The following SDCCAG8 variants were observed in gnomAD, a reference collection of about 807,000 sequenced individuals.
The protein encoded by SDCCAG8 is SHH signaling and ciliogenesis regulator SDCCAG8, also known as serologically defined colon cancer antigen 8.
Under a neutral mutation model 101.8 loss-of-function variants are expected in SDCCAG8, and 74 were observed. That is an observed-to-expected ratio of 0.73 (90% confidence interval 0.60 to 0.88). The LOEUF is 0.88. Among genes scored for constraint, SDCCAG8 ranks in the 40% least tolerant of loss-of-function variants. SDCCAG8 has a pLI of 0.00. For synonymous variants in SDCCAG8, 281 were observed against 292.9 expected (o/e 0.96, Z 0.41); for missense variants, 787 against 822.6 (o/e 0.96, Z 0.53).
intron 16 of SDCCAG8, chr1:243,487,671 C>G (rs567399278): frequency 6.6e-6 from 1 of 152,356 alleles, no homozygotes; most frequent in African/African-American, 2.4e-5. Flanking sequence ...AGGCCCTTGT[C>G]GGGACAGGCA....
intron 16 of SDCCAG8, among the ~76,000 whole-genome samples, chr1:243,436,520 C>T (rs532650778): frequency 6.6e-6 from 1 of 152,278 alleles, no homozygotes; most frequent in East Asian, 1.9e-4. Flanking sequence ...ACTACTTTTG[C>T]TGTTTGTCAA....
In SDCCAG8 at chr1:243,462,530, C is replaced by T. The variant is rs556442928; in HGVS notation, c.1986-26484C>T. Among the ~76,000 whole-genome samples the T allele has an allele frequency of 3.3e-5, 5 of 152,332 alleles. 1 individual carries two copies. The highest frequency in any genetic ancestry group is 1.2e-4 in the African/African-American group (5 of 41,574). On this transcript the variant is annotated intron_variant, in intron 16 of 17. Transcript: ENST00000366541. Reference sequence around the variant, plus strand: ...CTATGCAACCTCCTTGGAGTGAAATCTTGGCTGTCTTGTTCTCCACTGTAT... The same window carrying T: ...CTATGCAACCTCCTTGGAGTGAAATTTTGGCTGTCTTGTTCTCCACTGTAT...
At chr1:243,391,658 T>G (rs1287511083) in intron 13 of SDCCAG8, among the ~76,000 whole-genome samples, 1 of 152,194 alleles carries the variant, frequency 6.6e-6, no homozygotes, top group African/African-American at 2.4e-5. Context: ...CACCAGTGAA[T>G]AAGCAGGGCA....
intron 10 of SDCCAG8, among the ~76,000 whole-genome samples, chr1:243,334,847 C>T (rs1480905822): frequency 6.6e-6 from 1 of 152,166 alleles, no homozygotes; most frequent in Non-Finnish European, 1.5e-5. Flanking sequence ...CTTGGCCACT[C>T]AACGTGCTAG....
At chr1:243,377,731 A>G (rs1385832674) in intron 12 of SDCCAG8, among the ~76,000 whole-genome samples, 1 of 151,784 alleles carries the variant, frequency 6.6e-6, no homozygotes, top group Non-Finnish European at 1.5e-5. Flanking sequence ...AAATCCCTCT[A>G]CTTACACATG....
At chr1:243,465,180 C>T (rs1659882386) in intron 16 of SDCCAG8, among the ~76,000 whole-genome samples, 1 of 152,166 alleles carries the variant, frequency 6.6e-6, no homozygotes, top group Admixed American at 6.5e-5. Flanking sequence ...GAGTCATGGT[C>T]TCTTTTGGGA....
At position 243,270,199 on chromosome 1, in the gene SDCCAG8, C is replaced by T; in HGVS notation, c.162C>T (p.Thr54=). ...ATGCACCAAATCTTTCTTTTAGCAC[C>T]AGTGTGGGAAATGAGGACGCCAGGA... ...GEDAPNLSFS[T]SVGNEDARTA... The change falls in exon 2 of 18, where the codon ACC becomes ACT. Residue 54 remains threonine, a synonymous_variant. Coordinates refer to ENST00000366541, the MANE Select transcript of SDCCAG8 (RefSeq NM_006642.5). 1.2e-6 allele frequency: 2 copies of T among 1,614,146 alleles called. No homozygotes were observed. Among genetic ancestry groups the T allele is most frequent in the Non-Finnish European group, 1.7e-6 (2 of 1,180,018 alleles).
At chr1:243,280,367 C>A (rs1021121574) in intron 4 of SDCCAG8, among the ~76,000 whole-genome samples, 1 of 151,724 alleles carries the variant, frequency 6.6e-6, no homozygotes, top group African/African-American at 2.4e-5. Flanking sequence ...CAATTTTATT[C>A]ATCTTTTCAA....
chr1:243,458,408 A>G lies in SDCCAG8; in HGVS notation c.1986-30606A>G, dbSNP rs979047117. 6.6e-6 allele frequency among the ~76,000 whole-genome samples: 1 copy of G among 151,672 alleles called. No individual in the cohort carries two copies. The highest frequency in any genetic ancestry group is 2.4e-5 in the African/African-American group (1 of 41,348). On this transcript the variant is annotated intron_variant, in intron 16 of 17. Coordinates refer to ENST00000366541, the MANE Select transcript of SDCCAG8 (RefSeq NM_006642.5). This position sits in a 1 kb window ranked among gnomAD's most constrained non-coding sequence, Gnocchi z 4.5. ...TATAATATATAATTATGTAAGATATAATAAATATATAATAATCGTCATTGT... is the reference window on the plus strand; with the variant it reads ...TATAATATATAATTATGTAAGATATGATAAATATATAATAATCGTCATTGT...
chr1:243,467,247 C>G (rs1660340018), intron 16 of SDCCAG8, among the ~76,000 whole-genome samples: 1 of 152,184 alleles, frequency 6.6e-6, no homozygotes, highest in Non-Finnish European at 1.5e-5. Context: ...TTTTTAAATC[C>G]TGTTCCATGT....
intron 6 of SDCCAG8, among the ~76,000 whole-genome samples, chr1:243,298,883 C>A (rs1207172301): frequency 6.6e-6 from 1 of 152,170 alleles, no homozygotes; most frequent in East Asian, 1.9e-4. Flanking sequence ...CCAAGTCTTC[C>A]AACATTGTTC....
intron 13 of SDCCAG8, among the ~76,000 whole-genome samples, chr1:243,387,979 G>A (rs1226528874): frequency 2.0e-5 from 3 of 152,164 alleles, no homozygotes; most frequent in Non-Finnish European, 4.4e-5. Context: ...GCCTCCCAAA[G>A]TGCTAGGATT....
At chr1:243,459,673 T>G (rs1274212369) in intron 16 of SDCCAG8, among the ~76,000 whole-genome samples, 1 of 152,176 alleles carries the variant, frequency 6.6e-6, no homozygotes, top group Non-Finnish European at 1.5e-5. Context: ...AGTGGCACAA[T>G]CATAGCTCGT....
rs2275154 is a variant in SDCCAG8 at position 243,270,352 on chromosome 1, A to G, written c.220+95A>G. On this transcript the variant is annotated intron_variant, in intron 2 of 17. Transcript: ENST00000366541. ...TCCATTCATTCTTCATTCTGCTGCT[A>G]TGATGTTATTCCTCAAACACAAATC... 367,856 of 1,144,744 alleles carry G rather than the reference A, an allele frequency of 0.32. 62,474 individuals are homozygous for G. Among genetic ancestry groups the G allele is most frequent in the South Asian group, 0.5 (38,771 of 77,030 alleles). The allele number at this position is 1,144,744 out of a possible 1,614,324, so 70.9% of individuals were successfully genotyped here.
intron 16 of SDCCAG8, among the ~76,000 whole-genome samples, chr1:243,483,823 G>C (rs547444523): frequency 5.9e-5 from 9 of 152,320 alleles, no homozygotes; most frequent in African/African-American, 2.2e-4. Context: ...GAAGGCGGAG[G>C]TTCCTTAACC....
At chr1:243,432,376 C>T (rs1260868970) in intron 16 of SDCCAG8, among the ~76,000 whole-genome samples, 1 of 152,008 alleles carries the variant, frequency 6.6e-6, no homozygotes, top group Non-Finnish European at 1.5e-5. Context: ...AGGGGCCTGC[C>T]TGAGGGGAGG....
intron 9 of SDCCAG8, 35 bp downstream of exon 9, chr1:243,316,928 C>A: frequency 6.7e-7 from 1 of 1,502,484 alleles, no homozygotes; most frequent in South Asian, 1.2e-5. Context: ...AAGTGTCTTT[C>A]TTTTTTTTTT....
intron 16 of SDCCAG8, among the ~76,000 whole-genome samples, chr1:243,483,398 C>T (rs1003429564): frequency 6.6e-6 from 1 of 152,136 alleles, no homozygotes; most frequent in Non-Finnish European, 1.5e-5. Flanking sequence ...GCGCCCTCCG[C>T]GACCCGCCCC....
At chr1:243,496,375 C>G (rs1358380015) in intron 17 of SDCCAG8, among the ~76,000 whole-genome samples, 2 of 152,166 alleles carry the variant, frequency 1.3e-5, no homozygotes, top group African/African-American at 4.8e-5. Context: ...AGGGGCTGCC[C>G]TGGAGCTCTG....
Sources: allele counts gnomAD v4.1 joint callset (sites outside exome capture counted in the v4.1 genomes callset), GRCh38; gene constraint gnomAD v4.1.1; non-coding constraint Gnocchi (gnomAD v3.1); transcripts MANE v1.5; gene names NCBI Gene and HGNC (gene_info 2026-07-23, HGNC 2026-07-21).